The following MRC2 variants were observed in gnomAD, a reference collection of about 807,000 sequenced individuals.
MRC2 encodes the protein mannose receptor C-type 2, also known as C-type mannose receptor 2.
A neutral mutation model predicts 206.2 loss-of-function variants in MRC2; 84 were observed. The observed-to-expected ratio is 0.41, with a 90% CI of 0.34 to 0.49. The LOEUF (loss-of-function observed/expected upper bound fraction) is 0.49, where lower values mean the gene tolerates loss of function less well. MRC2 is among the 20% of genes least tolerant of loss of function. MRC2 has a pLI of 0.31. For synonymous variants in MRC2, 798 were observed against 800.0 expected, an observed-to-expected ratio of 1.00 and a Z score of 0.04; for missense variants, 1,676 against 2,001.5, an observed-to-expected ratio of 0.84 and a Z score of 3.10.
chr17:62,667,016 C>A lies in MRC2; in HGVS notation c.973+146C>A, dbSNP rs2088765826. 1.3e-5 allele frequency: 9 copies of A among 689,906 alleles called. No homozygotes were observed. The East Asian group carries it at 2.2e-4, about 17-fold the overall frequency. The allele number at this position is 689,906 out of a possible 1,614,324, so 42.7% of individuals were successfully genotyped here. On this transcript the variant is annotated intron_variant, in intron 5 of 29. Transcript: ENST00000303375. The surrounding 1 kb of genome is among the most constrained non-coding windows in gnomAD (Gnocchi z 4.1). ...CTCCACCCCCCTCCCCAGACTGCGC[C>A]CCCCTAGCCCATGTAGGGCGGCGCT...
At chr17:62,689,795 C>A (rs377599925) in intron 24 of MRC2, 35 bp downstream of exon 24, 2 of 1,530,382 alleles carry the variant, frequency 1.3e-6, no homozygotes, top group South Asian at 1.2e-5. Context: ...GGGCCCCAGC[C>A]TTGCCCGGGT....
chr17:62,660,967 A>G (rs1004073820), intron 1 of MRC2, among the ~76,000 whole-genome samples: 2 of 152,238 alleles, frequency 1.3e-5, no homozygotes, highest in African/African-American at 4.8e-5. Context: ...CATTATAATC[A>G]AGTGATATGA....
chr17:62,689,420 A>T, intron 23 of MRC2, 102 bp from the exon 24 acceptor site: 1 of 749,952 alleles, frequency 1.3e-6, no homozygotes, highest in Non-Finnish European at 2.2e-6. Flanking sequence ...AGTCTGGTGG[A>T]GACCGGGTCT....
intron 1 of MRC2, among the ~76,000 whole-genome samples, chr17:62,637,535 C>CAAAAAAA (rs61648461): frequency 7.3e-6 from 1 of 136,636 alleles, no homozygotes; most frequent in Non-Finnish European, 1.6e-5. Context: ...GACTGTGTCT[C>CAAAAAAA]AAAAAAAAAA....
At chr17:62,673,773 A>G (rs1036559360) in intron 8 of MRC2, among the ~76,000 whole-genome samples, 2 of 151,956 alleles carry the variant, frequency 1.3e-5, no homozygotes, top group Non-Finnish European at 2.9e-5. Context: ...GCCTCCCAAA[A>G]TGCTGGGATT....
rs1010595853 is a variant in MRC2, at chr17:62,652,348, G to A, written c.119-12200G>A. Among the ~76,000 whole-genome samples the A allele has an allele frequency of 1.3e-5, 2 of 152,254 alleles. No individual in the cohort carries two copies. The highest frequency in any genetic ancestry group is 4.8e-5 in the African/African-American group (2 of 41,470). ...CTCGGCAGAGGCCTTCCGCACCTGC[G>A]TTATGGAGTGGTGGCCGCTGTCGGC... On this transcript the variant is annotated intron_variant, in intron 1 of 29. Transcript: ENST00000303375. This position sits in a 1 kb window ranked among gnomAD's most constrained non-coding sequence, Gnocchi z 4.6.
At chr17:62,679,949 G>T in intron 14 of MRC2, 47 bp downstream of exon 14, 5 of 1,552,988 alleles carry the variant, frequency 3.2e-6, no homozygotes, top group South Asian at 2.3e-5. Context: ...GGAGCTTGGT[G>T]GGCGGGGCCT....
At chr17:62,629,947 C>T (rs2084203265) in intron 1 of MRC2, among the ~76,000 whole-genome samples, 1 of 152,224 alleles carries the variant, frequency 6.6e-6, no homozygotes, top group Non-Finnish European at 1.5e-5. Flanking sequence ...GGGGCAGGGG[C>T]AGCGAGGCGG....
Position 62,667,405 on chromosome 17 carries a change from C to G in MRC2, c.989C>G (p.Pro330Arg). The part of the protein sequence containing the change: ...LNWESDQPDN[P>R]SEENCGVIRT... ...CTCCCCACAGACCAGCCGGACAACC[C>G]CAGTGAGGAGAACTGTGGAGTGATC... The change falls in exon 6 of 30, where the codon CCC (proline) becomes CGC (arginine). Residue 330 changes from proline (P) to arginine (R), a missense_variant. Physicochemically the swap from Pro to Arg is moderately radical, Grantham distance 103. Transcript: ENST00000303375. The surrounding 1 kb of genome is among the most constrained non-coding windows in gnomAD (Gnocchi z 4.1). The G allele has an allele frequency of 6.2e-7, 1 of 1,605,016 alleles. No homozygotes were observed. The highest frequency in any genetic ancestry group is 8.5e-7 in the Non-Finnish European group (1 of 1,177,076).
chr17:62,661,577 ATTCCTTCCTTCC>A (rs67370638), intron 1 of MRC2: 10,629 of 139,064 alleles, frequency 0.076, 1,244 homozygotes, highest in African/African-American at 0.25. Context: ...TCCTTCCTTC[ATTCCTTCCTTCC>A]TTCCTTCCTT....
intron 1 of MRC2, among the ~76,000 whole-genome samples, chr17:62,663,187 C>A (rs999475916): frequency 2.6e-5 from 4 of 151,158 alleles, no homozygotes; most frequent in African/African-American, 9.7e-5. Flanking sequence ...CTTTTCTTAC[C>A]TTCCTTCCCT....
chr17:62,664,623 C>T lies in MRC2; in HGVS notation c.194C>T (p.Thr65Ile). 1 of 1,613,596 alleles carries T rather than the reference C, an allele frequency of 6.2e-7. No homozygotes were observed. The highest frequency in any genetic ancestry group is 8.5e-7 in the Non-Finnish European group (1 of 1,180,026). The change falls in exon 2 of 30, where the codon ACC (threonine) becomes ATC (isoleucine). Residue 65 changes from threonine to isoleucine, a missense_variant. Thr to Ile is a moderately conservative substitution (Grantham distance 89, BLOSUM62 -1). Coordinates refer to ENST00000303375, the MANE Select transcript of MRC2 (RefSeq NM_006039.5). This position sits in a 1 kb window ranked among gnomAD's most constrained non-coding sequence, Gnocchi z 4.7. ...LEAQGGQVRV[T>I]PACNTSLPAQ... ...GCCCAGGGCGGGCAGGTCAGAGTCA[C>T]CCCGGCTTGCAATACCAGCCTCCCT...
At position 62,671,480 on chromosome 17, in the gene MRC2, TTG is replaced by T. The variant is rs951234020; in HGVS notation, c.1118-165_1118-164del. 3.3e-5 allele frequency among the ~76,000 whole-genome samples: 5 copies of T among 152,122 alleles called. No homozygotes were observed. The highest frequency in any genetic ancestry group is 7.4e-5 in the Non-Finnish European group (5 of 68,022). ...GGGGCTCCAGCAGCCCTGTAAAGTTTTGTGTTTTTTTAGCATTTCCAAGACCT... is the reference window on the plus strand; with the variant it reads ...GGGGCTCCAGCAGCCCTGTAAAGTTTTGTTTTTTTAGCATTTCCAAGACCT... On this transcript the variant is annotated intron_variant, in intron 6 of 29. Transcript: ENST00000303375. This position sits in a 1 kb window ranked among gnomAD's most constrained non-coding sequence, Gnocchi z 4.5.
chr17:62,688,622 G>A lies in MRC2; in HGVS notation c.3183G>A (p.Gly1061=). 1 of 1,614,166 alleles carries A rather than the reference G, an allele frequency of 6.2e-7. No homozygotes were observed. Among genetic ancestry groups the A allele is most frequent in the East Asian group, 2.2e-5 (1 of 44,870 alleles). The change falls in exon 22 of 30, where the codon GGG becomes GGA. Residue 1061 remains glycine, a synonymous_variant. Transcript: ENST00000303375. ...TGATGTATGCCAACTGGGCACCTGGGGAGCCCTCTGGCCCTAGCCCTGCTC... is the reference window on the plus strand; with the variant it reads ...TGATGTATGCCAACTGGGCACCTGGAGAGCCCTCTGGCCCTAGCCCTGCTC... The part of the protein sequence containing the change: ...EPLMYANWAP[G]EPSGPSPAPS...
intron 9 of MRC2, among the ~76,000 whole-genome samples, chr17:62,674,560 C>T (rs571558573): frequency 1.3e-5 from 2 of 152,312 alleles, no homozygotes; most frequent in African/African-American, 4.8e-5. Context: ...GTCCTGACTT[C>T]CCCCTCCTCT....
At chr17:62,689,311 G>C in intron 23 of MRC2, 1 of 581,284 alleles carries the variant, frequency 1.7e-6, no homozygotes, top group East Asian at 2.8e-5. Context: ...GGTAGGAGGA[G>C]GTCAAGGCCC....
At chr17:62,630,402 G>A (rs376287777) in intron 1 of MRC2, among the ~76,000 whole-genome samples, 26 of 152,338 alleles carry the variant, frequency 1.7e-4, no homozygotes, top group East Asian at 1.4e-3. Context: ...AAAGGCTGGA[G>A]TGTGGATGCT....
rs1256968302 is a variant in MRC2 at position 62,666,936 on chromosome 17, C to G, written c.973+66C>G. The G allele has an allele frequency of 8.3e-7, 1 of 1,209,232 alleles. No homozygotes were observed. The highest frequency in any genetic ancestry group is 1.5e-5 in the African/African-American group (1 of 66,998). The allele number at this position is 1,209,232 out of a possible 1,614,324, so 74.9% of individuals were successfully genotyped here. ...CCGCGGGCTCTTGGCCTCCCATGGA[C>G]TCCTCTCCTCATGTCCTCCTGCAGA... is the stretch of plus-strand genomic sequence containing the variant. On this transcript the variant is annotated intron_variant, in intron 5 of 29. Coordinates refer to ENST00000303375, the MANE Select transcript of MRC2 (RefSeq NM_006039.5). This position sits in a 1 kb window ranked among gnomAD's most constrained non-coding sequence, Gnocchi z 5.0.
chr17:62,638,054 G>A (rs890033319), intron 1 of MRC2, among the ~76,000 whole-genome samples: 1 of 152,014 alleles, frequency 6.6e-6, no homozygotes, highest in African/African-American at 2.4e-5. Flanking sequence ...GTAGTGGGAG[G>A]GTCTTCCTAT....
Sources: gnomAD v4.1 joint callset for allele counts (sites outside exome capture counted in the v4.1 genomes callset) on GRCh38, gnomAD v4.1.1 for gene constraint, Gnocchi (gnomAD v3.1) non-coding constraint, MANE v1.5 for transcripts, NCBI Gene and HGNC (gene_info 2026-07-23, HGNC 2026-07-21) for gene names.